RAPGEF4: variants seen among roughly 807,000 people sequenced by gnomAD.
RAPGEF4 encodes the protein RAP guanine-nucleotide-exchange factor (GEF) 4.
A neutral mutation model predicts 147.9 loss-of-function variants in RAPGEF4; 66 were observed. The observed-to-expected ratio is 0.45, with a 90% confidence interval of 0.37 to 0.55. RAPGEF4 has a LOEUF of 0.55. Among genes scored for constraint, RAPGEF4 ranks in the 20% least tolerant of loss-of-function variants. The pLI is 0.00. For missense variants in RAPGEF4, 1,071 were observed against 1,257.3 expected, an observed-to-expected ratio of 0.85 and a Z score of 2.24; for synonymous variants, 419 against 442.7, an observed-to-expected ratio of 0.95 and a Z score of 0.67.
chr2:173,022,319 C>T (rs1284455612), intron 23 of RAPGEF4, among the ~76,000 whole-genome samples: 2 of 152,220 alleles, frequency 1.3e-5, no homozygotes, highest in African/African-American at 4.8e-5. Context: ...GTTCTTAGTC[C>T]TTGCTCGTCC....
chr2:173,030,468 A>T (rs1310429723), intron 26 of RAPGEF4, among the ~76,000 whole-genome samples: 2 of 152,160 alleles, frequency 1.3e-5, no homozygotes, highest in African/African-American at 2.4e-5. Context: ...AGTGGGGGAG[A>T]TGAGGAGATG....
At chr2:172,832,561 C>T (rs1430251505) in intron 4 of RAPGEF4, among the ~76,000 whole-genome samples, 1 of 152,140 alleles carries the variant, frequency 6.6e-6, no homozygotes, top group Admixed American at 6.5e-5. Flanking sequence ...TGGTGCAATA[C>T]CAGTTTTAAA....
chr2:172,917,813 G>T lies in RAPGEF4; in HGVS notation c.456G>T (p.Gln152His). 1 of 1,613,148 alleles carries T rather than the reference G, an allele frequency of 6.2e-7. No individual in the cohort carries two copies. The highest frequency in any genetic ancestry group is 8.5e-7 in the Non-Finnish European group (1 of 1,179,138). The change falls in exon 5 of 31, where the codon CAG (glutamine) becomes CAT (histidine). Residue 152 changes from glutamine to histidine, a missense_variant. By Grantham distance (24) the Gln-to-His change is conservative (BLOSUM62 0). Transcript: ENST00000397081. ...ATCTTGTCTTTCAGAAATATCGACA[G>T]TATATGGCAGGACTTCTGGCTCCTC... ...DFKALWEKYR[Q>H]YMAGLLAPPY...
intron 6 of RAPGEF4, among the ~76,000 whole-genome samples, chr2:172,935,742 C>T (rs1490113594): frequency 1.3e-5 from 2 of 152,068 alleles, no homozygotes; most frequent in African/African-American, 2.4e-5. Flanking sequence ...TCTTTTGCAC[C>T]GTCTTCTTAA....
intron 6 of RAPGEF4, among the ~76,000 whole-genome samples, chr2:172,939,884 T>C (rs1686979286): frequency 6.6e-6 from 1 of 152,204 alleles, no homozygotes; most frequent in Non-Finnish European, 1.5e-5. Flanking sequence ...GAAAAGACTG[T>C]CTTCTCTCCA....
rs1690830118 is a variant in RAPGEF4 at position 172,835,567 on chromosome 2, G to A, written c.444+21142G>A. On this transcript the variant is annotated intron_variant, in intron 4 of 30. Transcript: ENST00000397081. The stretch of plus-strand genomic sequence containing the variant: ...AAAGTGAGATAATAAAATATAGCTT[G>A]TGTGGTGGTGGCATGCCTAGCACAT... 3.9e-5 allele frequency among the ~76,000 whole-genome samples: 6 copies of A among 152,264 alleles called. 1 individual carries two copies. The South Asian group carries it at 1.2e-3, about 32-fold the overall frequency.
chr2:172,939,571 G>T (rs1271355553), intron 6 of RAPGEF4, among the ~76,000 whole-genome samples: 1 of 152,090 alleles, frequency 6.6e-6, no homozygotes, highest in African/African-American at 2.4e-5. Flanking sequence ...TCCAGTCTGT[G>T]GTTTTGCTTT....
At chr2:172,933,347 A>C (rs1194721589) in intron 6 of RAPGEF4, among the ~76,000 whole-genome samples, 2 of 152,086 alleles carry the variant, frequency 1.3e-5, no homozygotes, top group African/African-American at 2.4e-5. Flanking sequence ...GAAGGTACTC[A>C]AGGGTGACTT....
At chr2:173,011,089 A>C (rs1222806649) in intron 17 of RAPGEF4, among the ~76,000 whole-genome samples, 1 of 151,862 alleles carries the variant, frequency 6.6e-6, no homozygotes, top group Admixed American at 6.6e-5. Context: ...GGGGTTCTTC[A>C]TCAAAGACAA....
intron 1 of RAPGEF4, among the ~76,000 whole-genome samples, chr2:172,772,765 G>T (rs935627609): frequency 6.6e-6 from 1 of 152,238 alleles, no homozygotes; most frequent in Admixed American, 6.5e-5. Context: ...GGTGCTGTGC[G>T]TCAGATGTGG....
At chr2:172,952,977 G>C (rs938812423) in intron 6 of RAPGEF4, among the ~76,000 whole-genome samples, 4 of 152,110 alleles carry the variant, frequency 2.6e-5, no homozygotes, top group African/African-American at 9.7e-5. Context: ...CCTGCTAAGA[G>C]CAGTACTCCA....
At chr2:172,876,951 A>G (rs998437846) in intron 4 of RAPGEF4, among the ~76,000 whole-genome samples, 1 of 152,156 alleles carries the variant, frequency 6.6e-6, no homozygotes, top group East Asian at 1.9e-4. Context: ...CAGGGATTCA[A>G]CTTCTTCCTG....
chr2:173,050,279 G>A (rs4972527), intron 30 of RAPGEF4, among the ~76,000 whole-genome samples: 112,863 of 152,164 alleles, frequency 0.74, 42,127 homozygotes, highest in East Asian at 0.96. Context: ...TATATTGTAC[G>A]TGTAGAGTAC....
intron 29 of RAPGEF4, among the ~76,000 whole-genome samples, chr2:173,041,506 A>G (rs1684757531): frequency 6.6e-6 from 1 of 152,242 alleles, no homozygotes; most frequent in African/African-American, 2.4e-5. Context: ...CCTTTAGATT[A>G]CCTGCAGTTG....
At chr2:172,815,145 C>T (rs1321992518) in intron 4 of RAPGEF4, among the ~76,000 whole-genome samples, 1 of 152,244 alleles carries the variant, frequency 6.6e-6, no homozygotes, top group Non-Finnish European at 1.5e-5. Context: ...CTGATTTTAA[C>T]CTGCTCCTTG....
At chr2:172,866,011 CT>C (rs1694601188) in intron 4 of RAPGEF4, among the ~76,000 whole-genome samples, 1 of 152,082 alleles carries the variant, frequency 6.6e-6, no homozygotes, top group Non-Finnish European at 1.5e-5. Flanking sequence ...TCTTGGGATG[CT>C]TACTTTATGC....
intron 4 of RAPGEF4, among the ~76,000 whole-genome samples, chr2:172,864,870 A>G (rs1158719973): frequency 1.3e-5 from 2 of 152,212 alleles, no homozygotes; most frequent in East Asian, 3.9e-4. Flanking sequence ...ATGCCACTGT[A>G]CTCTAGCCTG....
chr2:172,790,903 T>C (rs966670024), intron 1 of RAPGEF4, among the ~76,000 whole-genome samples: 2 of 152,190 alleles, frequency 1.3e-5, no homozygotes, highest in Non-Finnish European at 2.9e-5. Context: ...CACAGAATAC[T>C]GGAGACTGGG....
intron 13 of RAPGEF4, 102 bp from the exon 14 acceptor site, chr2:172,988,591 T>C (rs1692506507): frequency 7.5e-7 from 1 of 1,341,092 alleles, no homozygotes; most frequent in Non-Finnish European, 1.0e-6. Context: ...ACAGCCCATT[T>C]ATCTACAATG....
Sources: gnomAD v4.1 joint callset for allele counts (sites outside exome capture counted in the v4.1 genomes callset) on GRCh38, gnomAD v4.1.1 for gene constraint, MANE v1.5 for transcripts, NCBI Gene and HGNC (gene_info 2026-07-23, HGNC 2026-07-21) for gene names.